Variants in ADGRF3 observed in about 807,000 individuals in gnomAD.
ADGRF3 encodes G protein-coupled receptor 113.
In ADGRF3, 85 loss-of-function variants were observed where a neutral mutation model predicts 93.2. The observed-to-expected ratio is 0.91, with a 90% CI of 0.77 to 1.09. The LOEUF (loss-of-function observed/expected upper bound fraction) is 1.09, where lower values mean the gene tolerates loss of function less well. ADGRF3 is among the 50% of genes least tolerant of loss of function. The pLI is 0.00. For synonymous variants in ADGRF3, 534 were observed against 532.5 expected, an observed-to-expected ratio of 1.00 and a Z score of -0.04; for missense variants, 1,125 against 1,246.2, an observed-to-expected ratio of 0.90 and a Z score of 1.46.
chr2:26,329,274 G>A (rs1675630009), intron 1 of ADGRF3, among the ~76,000 whole-genome samples: 2 of 152,190 alleles, frequency 1.3e-5, no homozygotes, highest in Non-Finnish European at 2.9e-5. Flanking sequence ...CACCACAGGT[G>A]TGTGTCATCA....
At chr2:26,314,276 G>A in intron 6 of ADGRF3, 138 bp downstream of exon 6, 1 of 818,554 alleles carries the variant, frequency 1.2e-6, no homozygotes, top group East Asian at 2.7e-5. Flanking sequence ...TGATGGGGTA[G>A]AAAACAGTGT....
chr2:26,316,542 G>T, intron 3 of ADGRF3, 94 bp from the exon 4 acceptor site: 1 of 1,317,636 alleles, frequency 7.6e-7, no homozygotes. Context: ...AGGCTTTAGG[G>T]CTGGGTATCT....
At position 26,312,038 on chromosome 2, in the gene ADGRF3, C is replaced by G; in HGVS notation, c.1486G>C (p.Asp496His). 6.2e-7 allele frequency: 1 copy of G among 1,612,390 alleles called. No homozygotes were observed. The highest frequency in any genetic ancestry group is 1.1e-5 in the South Asian group (1 of 91,032). The stretch of plus-strand genomic sequence containing the variant: ...GCCAGGGTCCACAGAGACCTGGTGT[C>G]CATATCTAGGACCTTGTCTGTGGCA... ...LIATDKVLDM[D>H]TRSLWTLAQA... Residue 496 changes from aspartate to histidine, a missense_variant, in exon 10 of 14, where the codon GAC becomes CAC. Transcript: ENST00000651242.
In ADGRF3 at chr2:26,346,362, C is replaced by G. The variant is rs1676755793; in HGVS notation, c.-128G>C. 2 of 1,495,110 alleles carry G rather than the reference C, an allele frequency of 1.3e-6. No individual in the cohort carries two copies. The highest frequency in any genetic ancestry group is 2.8e-5 in the African/African-American group (2 of 70,830). The allele number at this position is 1,495,110 out of a possible 1,614,324, so 92.6% of individuals were successfully genotyped here. A position where few individuals can be genotyped will look rare whatever the true frequency, so the allele number is the denominator to read the frequency against. Reference sequence around the variant, plus strand: ...AGGCGGCTGAGGGGCCCGCGCGGCGCGGTCCGTGTCACCTTGTGCCGCGTG... The same window carrying G: ...AGGCGGCTGAGGGGCCCGCGCGGCGGGGTCCGTGTCACCTTGTGCCGCGTG... On this transcript the variant is annotated 5_prime_UTR_variant, in exon 1 of 14. Coordinates refer to ENST00000651242, the MANE Select transcript of ADGRF3 (RefSeq NM_001321971.2).
chr2:26,343,503 G>C lies in ADGRF3; in HGVS notation c.114+2618C>G, dbSNP rs367625993. Among the ~76,000 whole-genome samples, 669 of 151,796 alleles carry C rather than the reference G, an allele frequency of 4.4e-3. 2 individuals carry two copies. The highest frequency in any genetic ancestry group is 0.027 in the Middle Eastern group (8 of 294). On this transcript the variant is annotated intron_variant, in intron 1 of 13. Coordinates refer to ENST00000651242, the MANE Select transcript of ADGRF3 (RefSeq NM_001321971.2). ...CACCCAGACTGGAGTGCAGTGGCGC[G>C]ATCTCGGCTCACTGCAAGCTCCGCC...
chr2:26,340,045 T>C (rs912696780), intron 1 of ADGRF3, among the ~76,000 whole-genome samples: 2 of 152,262 alleles, frequency 1.3e-5, no homozygotes, highest in African/African-American at 4.8e-5. Flanking sequence ...ATTTTCTTTC[T>C]ACCAGACTTC....
At chr2:26,312,394 TG>T (rs1193474956) in intron 9 of ADGRF3, among the ~76,000 whole-genome samples, 5 of 152,224 alleles carry the variant, frequency 3.3e-5, no homozygotes, top group Non-Finnish European at 7.3e-5. Flanking sequence ...TCCCATTCTT[TG>T]GCCCCTCCAG....
rs139522210 is a variant in ADGRF3 at position 26,311,219 on chromosome 2, G to A, written c.2305C>T (p.Arg769Ter). 9,707 of 1,604,582 alleles carry A rather than the reference G, an allele frequency of 6.0e-3. 34 individuals are homozygous for A. The highest frequency in any genetic ancestry group is 7.7e-3 in the Non-Finnish European group (9,041 of 1,175,758). Residue 769 changes from arginine (R) to a stop codon, truncating the protein, a stop_gained, in exon 10 of 14, where the codon CGA becomes TGA. Coordinates refer to ENST00000651242, the MANE Select transcript of ADGRF3 (RefSeq NM_001321971.2). LOFTEE classifies it high-confidence loss of function. ...GCGGCAGCAAGGCAGAGCGGGCTTC[G>A]GGGCCCTGGAGAGAGGAATGGGGCG... The part of the protein sequence containing the change: ...LGAPFLSPGP[R>*]SPLCLAAAFL...
chr2:26,335,015 T>G (rs1351007615), intron 1 of ADGRF3, among the ~76,000 whole-genome samples: 1 of 152,218 alleles, frequency 6.6e-6, no homozygotes, highest in African/African-American at 2.4e-5. Context: ...GCTTTTCTTT[T>G]TAATATAACA....
At chr2:26,313,690 C>T in intron 7 of ADGRF3, 70 bp downstream of exon 7, 1 of 1,594,480 alleles carries the variant, frequency 6.3e-7, no homozygotes, top group Non-Finnish European at 8.6e-7. Flanking sequence ...AGAGACGTGC[C>T]ATGCAAGAGA....
rs78403329 is a variant in ADGRF3 at position 26,327,935 on chromosome 2, C to A, written c.115-10373G>T. On this transcript the variant is annotated intron_variant, in intron 1 of 13. Transcript: ENST00000651242. ...AATCACCTCTTAAAGGTCTCCACCC[C>A]TCAACACTGTGGCATTAGGGATTAA... Among the ~76,000 whole-genome samples the A allele has an allele frequency of 5.3e-5, 8 of 152,126 alleles. No individual in the cohort carries two copies. The East Asian group carries it at 1.3e-3, about 26-fold the overall frequency.
intron 1 of ADGRF3, among the ~76,000 whole-genome samples, chr2:26,334,552 C>T (rs1675935389): frequency 6.6e-6 from 1 of 152,162 alleles, no homozygotes; most frequent in Non-Finnish European, 1.5e-5. Flanking sequence ...CTTCTCAAAA[C>T]ACCCCTTTAG....
chr2:26,315,784 T>C (rs980195849), intron 4 of ADGRF3, 44 bp from the exon 5 acceptor site: 38 of 1,549,220 alleles, frequency 2.5e-5, no homozygotes, highest in Middle Eastern at 4.1e-4. Flanking sequence ...GAGGGACTTA[T>C]GGCCCTCAGA....
intron 7 of ADGRF3, 44 bp downstream of exon 7, chr2:26,313,716 G>T (rs749294811): frequency 6.2e-7 from 1 of 1,608,972 alleles, no homozygotes; most frequent in Admixed American, 1.7e-5. Flanking sequence ...TGCTCCCAAG[G>T]CAAGCAGCTG....
At chr2:26,333,968 C>A (rs774301727) in intron 1 of ADGRF3, among the ~76,000 whole-genome samples, 9 of 146,764 alleles carry the variant, frequency 6.1e-5, no homozygotes, top group Admixed American at 6.9e-5. Context: ...TACAGGCACA[C>A]GCCACCACGC....
At chr2:26,329,035 G>C (rs12615704) in intron 1 of ADGRF3, among the ~76,000 whole-genome samples, 44,058 of 152,216 alleles carry the variant, frequency 0.29, 7,286 homozygotes, top group Middle Eastern at 0.4. Context: ...TATTATCACG[G>C]ATAATCTGTG....
At chr2:26,315,009 C>T (rs1433247237) in intron 5 of ADGRF3, among the ~76,000 whole-genome samples, 1 of 152,192 alleles carries the variant, frequency 6.6e-6, no homozygotes, top group Non-Finnish European at 1.5e-5. Context: ...TTAACAGAAA[C>T]ATTTTTATGA....
In ADGRF3 at chr2:26,314,517, C is replaced by T. The variant is rs747429131; in HGVS notation, c.825G>A (p.Leu275=). The T allele has an allele frequency of 1.2e-6, 2 of 1,614,046 alleles. No individual in the cohort carries two copies. The highest frequency in any genetic ancestry group is 2.2e-5 in the East Asian group (1 of 44,894). Reference sequence around the variant, plus strand: ...CAGGGGAGGTGGCACAGGAGATGGACAGCTGGTATGGAAGTCGAGCCACAT... The same window carrying T: ...CAGGGGAGGTGGCACAGGAGATGGATAGCTGGTATGGAAGTCGAGCCACAT... ...ATDVARLPYQ[L]SISCATSPGF... is the part of the protein sequence containing the mutation. Residue 275 remains leucine, a synonymous_variant, in exon 6 of 14, where the codon CTG becomes CTA. Coordinates refer to ENST00000651242, the MANE Select transcript of ADGRF3 (RefSeq NM_001321971.2).
At chr2:26,335,100 AG>A (rs1675965221) in intron 1 of ADGRF3, among the ~76,000 whole-genome samples, 1 of 152,214 alleles carries the variant, frequency 6.6e-6, no homozygotes, top group African/African-American at 2.4e-5. Flanking sequence ...AATGGTGTTT[AG>A]TATATTCACA....
Sources: allele counts gnomAD v4.1 joint callset (sites outside exome capture counted in the v4.1 genomes callset), GRCh38; gene constraint gnomAD v4.1.1; transcripts MANE v1.5; gene names NCBI Gene and HGNC (gene_info 2026-07-23, HGNC 2026-07-21).